Variants in SH3BGRL2 observed in about 807,000 individuals in gnomAD.
The protein encoded by SH3BGRL2 is SH3 domain binding glutamate rich protein like 2, also known as SH3 domain-binding glutamic acid-rich-like protein 2.
A neutral mutation model predicts 14.8 loss-of-function variants in SH3BGRL2; 21 were observed. The ratio of observed to expected loss-of-function variants is 1.42; its 90% CI spans 1.01 to 2.05. SH3BGRL2 has a LOEUF of 2.05. Ranked by LOEUF, SH3BGRL2 falls within the 30% of genes most tolerant of loss-of-function variation. SH3BGRL2 has a pLI of 0.00. For synonymous variants in SH3BGRL2, 50 were observed against 47.8 expected, an observed-to-expected ratio of 1.05 and a Z score of -0.19; for missense variants, 147 against 130.8, an observed-to-expected ratio of 1.12 and a Z score of -0.61.
chr6:79,626,662 T>C (rs574012965), upstream of SH3BGRL2, among the ~76,000 whole-genome samples: 26 of 152,348 alleles, frequency 1.7e-4, 1 homozygote, highest in African/African-American at 6.0e-4. Flanking sequence ...GCTGTGCCTG[T>C]AGATGGTGAG....
the SH3BGRL2 span, among the ~76,000 whole-genome samples, chr6:79,539,083 C>T: frequency 2.0e-5 from 3 of 152,112 alleles, no homozygotes; most frequent in African/African-American, 7.2e-5. Context: ...TTGTGTGTAA[C>T]ATAGTCTCAG....
chr6:79,554,779 A>G, the SH3BGRL2 span, among the ~76,000 whole-genome samples: 2 of 152,160 alleles, frequency 1.3e-5, no homozygotes, highest in East Asian at 1.9e-4. Context: ...TAGTTCCCCT[A>G]TTTGTAAAAT....
chr6:79,652,770 A>G (rs1168729705), intron 1 of SH3BGRL2, among the ~76,000 whole-genome samples: 1 of 152,174 alleles, frequency 6.6e-6, no homozygotes, highest in Non-Finnish European at 1.5e-5. Context: ...AGCAGGAACT[A>G]TAATCACATC....
chr6:79,620,617 A>AAAAAGGGG, the SH3BGRL2 span, among the ~76,000 whole-genome samples: 1 of 152,022 alleles, frequency 6.6e-6, no homozygotes. Context: ...CCAGCCTGAA[A>AAAAAGGGG]AAAAGGGGAA....
At chr6:79,691,604 T>C in intron 2 of SH3BGRL2, among the ~76,000 whole-genome samples, 1 of 149,216 alleles carries the variant, frequency 6.7e-6, no homozygotes. Context: ...GAACATGCAG[T>C]GTTTGGTTTT....
At chr6:79,538,558 T>G in the SH3BGRL2 span, among the ~76,000 whole-genome samples, 2 of 152,204 alleles carry the variant, frequency 1.3e-5, no homozygotes, top group Non-Finnish European at 2.9e-5. Context: ...CGGAATTACT[T>G]TTCATCAATT....
At chr6:79,591,147 G>A in the SH3BGRL2 span, among the ~76,000 whole-genome samples, 1 of 152,122 alleles carries the variant, frequency 6.6e-6, no homozygotes, top group South Asian at 2.1e-4. Flanking sequence ...CAGATGTGAG[G>A]ATGATTCCCA....
At chr6:79,637,393 A>G (rs2127722823) in intron 1 of SH3BGRL2, among the ~76,000 whole-genome samples, 1 of 152,294 alleles carries the variant, frequency 6.6e-6, no homozygotes, top group East Asian at 1.9e-4. Flanking sequence ...AAAATAATTT[A>G]TTTGAAAATC....
the SH3BGRL2 span, among the ~76,000 whole-genome samples, chr6:79,601,634 T>C: frequency 5.3e-5 from 8 of 152,342 alleles, no homozygotes; most frequent in South Asian, 1.7e-3. Flanking sequence ...TTATGTATAA[T>C]ACATACTTAT....
At chr6:79,582,498 T>TA in the SH3BGRL2 span, among the ~76,000 whole-genome samples, 291 of 152,310 alleles carry the variant, frequency 1.9e-3, no homozygotes, top group African/African-American at 6.4e-3. Flanking sequence ...TACAACCATC[T>TA]AATCTTTGAC....
chr6:79,696,353 A>C (rs1770331931), intron 2 of SH3BGRL2, 132 bp from the exon 3 acceptor site: 1 of 617,414 alleles, frequency 1.6e-6, no homozygotes, highest in South Asian at 2.3e-5. Context: ...CAGCAGATTT[A>C]TTTAGCTTTT....
intron 2 of SH3BGRL2, among the ~76,000 whole-genome samples, chr6:79,691,799 A>G (rs1320995888): frequency 8.6e-5 from 13 of 151,714 alleles, no homozygotes. Flanking sequence ...TATTGTGAAT[A>G]GTGCCACAAT....
the SH3BGRL2 span, among the ~76,000 whole-genome samples, chr6:79,560,726 G>A: frequency 6.6e-6 from 1 of 152,068 alleles, no homozygotes; most frequent in Non-Finnish European, 1.5e-5. Context: ...ATTGCAAGGA[G>A]CAGAAAGTAC....
chr6:79,673,986 T>C (rs1769831118), intron 2 of SH3BGRL2, among the ~76,000 whole-genome samples, 187 bp downstream of exon 2: 1 of 152,108 alleles, frequency 6.6e-6, no homozygotes, highest in South Asian at 2.1e-4. Flanking sequence ...TGTGTATGTA[T>C]GTGCGAGGGT....
At position 79,648,255 on chromosome 6, in the gene SH3BGRL2, C is replaced by CGCATATATATATATAT. The variant is rs749278658; in HGVS notation, c.45+16749_45+16750insGCATATATATATATAT. On this transcript the variant is annotated intron_variant, in intron 1 of 3. Coordinates refer to ENST00000369838, the MANE Select transcript of SH3BGRL2 (RefSeq NM_031469.4). ...ACATTTTCTCTCTCTATTCTTTTGG[C>CGCATATATATATATAT]ATATATATATATATATATATATATA... is the stretch of plus-strand genomic sequence containing the variant. Among the ~76,000 whole-genome samples, 567 of 62,422 alleles carry CGCATATATATATATAT rather than the reference C, an allele frequency of 9.1e-3. 7 individuals carry two copies. Among genetic ancestry groups the CGCATATATATATATAT allele is most frequent in the Non-Finnish European group, 0.014 (485 of 34,344 alleles). 41.0% of individuals were successfully genotyped at this position (62,422 alleles called of 152,430 possible). A position where few individuals can be genotyped will look rare whatever the true frequency, so the allele number is the denominator to read the frequency against.
intron 1 of SH3BGRL2, among the ~76,000 whole-genome samples, chr6:79,641,125 A>G (rs1368418600): frequency 6.7e-6 from 1 of 150,054 alleles, no homozygotes. Context: ...CATGTGTATT[A>G]AAGCTCAGTG....
chr6:79,643,223 G>T (rs146526599), intron 1 of SH3BGRL2, among the ~76,000 whole-genome samples: 2 of 152,140 alleles, frequency 1.3e-5, no homozygotes, highest in Non-Finnish European at 2.9e-5. Context: ...TCAGCTCAGC[G>T]GTAAAACCTA....
the SH3BGRL2 span, among the ~76,000 whole-genome samples, chr6:79,585,224 G>A: frequency 2.0e-5 from 3 of 152,130 alleles, no homozygotes; most frequent in South Asian, 6.2e-4. Flanking sequence ...AATTTGCACA[G>A]CAGATGATTT....
intron 2 of SH3BGRL2, among the ~76,000 whole-genome samples, chr6:79,688,139 A>C (rs1191184715): frequency 2.0e-5 from 3 of 152,104 alleles, no homozygotes; most frequent in African/African-American, 7.2e-5. Context: ...TGAGCTTAGA[A>C]ATGTCTCTAA....
Sources: gnomAD v4.1 joint callset for allele counts (sites outside exome capture counted in the v4.1 genomes callset) on GRCh38, gnomAD v4.1.1 for gene constraint, MANE v1.5 for transcripts, NCBI Gene and HGNC (gene_info 2026-07-23, HGNC 2026-07-21) for gene names.